PDS5B: variants seen among roughly 807,000 people sequenced by gnomAD.
PDS5B encodes the protein PDS5 cohesin associated factor B.
Under a neutral mutation model 184.1 loss-of-function variants are expected in PDS5B, and 51 were observed. The observed-to-expected ratio is 0.28, with a 90% CI of 0.22 to 0.35. PDS5B has a LOEUF of 0.35. PDS5B is among the 10% of genes least tolerant of loss of function. The pLI, the probability that PDS5B is intolerant of heterozygous loss-of-function variation, is 1.00. For missense variants in PDS5B, 1,180 were observed against 1,723.3 expected, an observed-to-expected ratio of 0.68 and a Z score of 5.58; for synonymous variants, 566 against 569.2, an observed-to-expected ratio of 0.99 and a Z score of 0.08.
chr13:32,605,812 A>T (rs2058051580), intron 1 of PDS5B, among the ~76,000 whole-genome samples: 1 of 151,620 alleles, frequency 6.6e-6, no homozygotes, highest in African/African-American at 2.4e-5. Flanking sequence ...CGATCCCTTT[A>T]CCATTATTTA....
Position 32,735,229 on chromosome 13 carries a change from A to G in PDS5B, c.2305A>G (p.Thr769Ala). The G allele has an allele frequency of 6.2e-7, 1 of 1,611,876 alleles. No individual in the cohort carries two copies. Among genetic ancestry groups the G allele is most frequent in the Non-Finnish European group, 8.5e-7 (1 of 1,178,438 alleles). The change falls in exon 21 of 35, where the codon ACT (threonine) becomes GCT (alanine). Residue 769 changes from threonine to alanine, a missense_variant. By Grantham distance (58) the Thr-to-Ala change is moderately conservative. Around this residue, in one of 11 missense-constraint regions of PDS5B, gnomAD observed 475 missense variants for 691.5 expected, o/e 0.69. Coordinates refer to ENST00000315596, the MANE Select transcript of PDS5B (RefSeq NM_015032.4). Reference protein sequence around the residue: ...NLEHLITPLVTIGHIALLAPD... With the variant: ...NLEHLITPLVAIGHIALLAPD... ...GGAACATCTCATAACACCATTGGTTACTATTGGTCATATTGCTCTCCTTGC... is the reference window on the plus strand; with the variant it reads ...GGAACATCTCATAACACCATTGGTTGCTATTGGTCATATTGCTCTCCTTGC...
intron 17 of PDS5B, among the ~76,000 whole-genome samples, chr13:32,702,995 T>C (rs1308012347): frequency 6.6e-6 from 1 of 152,158 alleles, no homozygotes. Context: ...GCCAGCTTAC[T>C]GGGTATGGGG....
In PDS5B at chr13:32,758,592, A is replaced by G. The variant is rs1954268471; in HGVS notation, c.3248A>G (p.Tyr1083Cys). Reference sequence around the variant, plus strand: ...ATCATCATGTCAAAGAGTACTACATACAGTTTGGAATCTCCTAAAGACCCG... The same window carrying G: ...ATCATCATGTCAAAGAGTACTACATGCAGTTTGGAATCTCCTAAAGACCCG... ...MNIIMSKSTT[Y>C]SLESPKDPVL... is the part of the protein sequence containing the mutation. The change falls in exon 28 of 35, where the codon TAC (tyrosine) becomes TGC (cysteine). Residue 1083 changes from tyrosine to cysteine, a missense_variant. Transcript: ENST00000315596. The G allele has an allele frequency of 1.2e-6, 2 of 1,612,304 alleles. No homozygotes were observed. Among genetic ancestry groups the G allele is most frequent in the South Asian group, 2.2e-5 (2 of 91,064 alleles).
rs188192967 is a variant in PDS5B, at chr13:32,651,288, G to T, written c.109-516G>T. 2.0e-5 allele frequency among the ~76,000 whole-genome samples: 3 copies of T among 152,310 alleles called. No individual in the cohort carries two copies. In the East Asian group the frequency reaches 5.8e-4, roughly 29 times the overall value. On this transcript the variant is annotated intron_variant, in intron 2 of 34. Transcript: ENST00000315596. ...GTAGATACTTCATAGTAGCTTTTCA[G>T]TGTTGAGGGATGCATCTTTGACATC...
intron 13 of PDS5B, among the ~76,000 whole-genome samples, chr13:32,692,361 C>T (rs1217263415): frequency 7.3e-6 from 1 of 136,792 alleles, no homozygotes; most frequent in Non-Finnish European, 1.6e-5. Context: ...AAGATGGTAT[C>T]GGGGTCTTTG....
At chr13:32,706,777 A>G (rs745963261) in intron 17 of PDS5B, among the ~76,000 whole-genome samples, 157 bp from the exon 18 acceptor site, 2 of 152,198 alleles carry the variant, frequency 1.3e-5, no homozygotes, top group East Asian at 1.9e-4. Flanking sequence ...TGAAAATACT[A>G]TAGTTGTTTT....
rs1052253711 is a variant in PDS5B at position 32,775,492 on chromosome 13, GAAA to G, written c.*446_*448del. 1 of 349,666 alleles carries G rather than the reference GAAA, an allele frequency of 2.9e-6. No individual in the cohort carries two copies. The highest frequency in any genetic ancestry group is 5.6e-6 in the Non-Finnish European group (1 of 177,970). The allele number at this position is 349,666 out of a possible 1,614,324, so 21.7% of individuals were successfully genotyped here. On this transcript the variant is annotated 3_prime_UTR_variant, in exon 35 of 35. Transcript: ENST00000315596. ...TTTGTATTCTCTGCAATTTTACTGTGAAAAAAAATTTGTTTTCAACAATTGGTG... is the reference window on the plus strand; with the variant it reads ...TTTGTATTCTCTGCAATTTTACTGTGAAAAATTTGTTTTCAACAATTGGTG...
chr13:32,738,740 C>T (rs143016630), intron 21 of PDS5B, among the ~76,000 whole-genome samples: 108 of 152,146 alleles, frequency 7.1e-4, no homozygotes, highest in Middle Eastern at 3.4e-3. Flanking sequence ...GGCGCCATCT[C>T]GGCTCCCTGC....
chr13:32,628,251 G>A (rs1241846702), intron 1 of PDS5B, among the ~76,000 whole-genome samples: 1 of 151,844 alleles, frequency 6.6e-6, no homozygotes, highest in Non-Finnish European at 1.5e-5. Context: ...TTACGTATTT[G>A]CAATAATAAT....
At position 32,688,155 on chromosome 13, in the gene PDS5B, G is replaced by GCATATTTTAAAACTCTGTATTATGAATGA. The variant is rs530902903; in HGVS notation, c.1356-278_1356-277insGAATGACATATTTTAAAACTCTGTATTAT. On this transcript the variant is annotated intron_variant, in intron 12 of 34. Transcript: ENST00000315596. ...AGAACTTGGCATTTGAAAGGACCTG[G>GCATATTTTAAAACTCTGTATTATGAATGA]CATATTTTAAAACTCTGTATTATAC... 9.9e-3 allele frequency among the ~76,000 whole-genome samples: 1,496 copies of GCATATTTTAAAACTCTGTATTATGAATGA among 151,414 alleles called. 12 individuals are homozygous for GCATATTTTAAAACTCTGTATTATGAATGA. The highest frequency in any genetic ancestry group is 0.014 in the Non-Finnish European group (955 of 67,764).
intron 1 of PDS5B, among the ~76,000 whole-genome samples, chr13:32,647,192 A>G (rs547153404): frequency 5.9e-5 from 9 of 152,116 alleles, no homozygotes; most frequent in Non-Finnish European, 1.3e-4. Flanking sequence ...TATAACTTCC[A>G]TGAATTGTAG....
intron 33 of PDS5B, among the ~76,000 whole-genome samples, chr13:32,772,500 A>G (rs948320157): frequency 6.6e-6 from 1 of 152,158 alleles, no homozygotes; most frequent in African/African-American, 2.4e-5. Context: ...TGAACACTAT[A>G]TTTGAAGTTT....
At chr13:32,587,163 G>A (rs1338346888) in intron 1 of PDS5B, among the ~76,000 whole-genome samples, 1 of 148,780 alleles carries the variant, frequency 6.7e-6, no homozygotes, top group African/African-American at 2.4e-5. Flanking sequence ...GGCCGCGGGC[G>A]CTCTCGCCCC....
intron 19 of PDS5B, among the ~76,000 whole-genome samples, chr13:32,722,109 C>T (rs1952735017): frequency 6.6e-6 from 1 of 152,260 alleles, no homozygotes; most frequent in Non-Finnish European, 1.5e-5. Flanking sequence ...AATCCCGGCA[C>T]CTTGGGAGGC....
At chr13:32,625,313 A>G (rs1299633974) in intron 1 of PDS5B, among the ~76,000 whole-genome samples, 1 of 152,124 alleles carries the variant, frequency 6.6e-6, no homozygotes, top group Non-Finnish European at 1.5e-5. Context: ...CTGGGCTCAA[A>G]TGATCCTCCT....
intron 1 of PDS5B, among the ~76,000 whole-genome samples, chr13:32,628,355 G>A (rs966030789): frequency 3.3e-5 from 5 of 151,796 alleles, no homozygotes; most frequent in African/African-American, 9.7e-5. Context: ...TCAGGAGTTC[G>A]AGACCACCCT....
intron 14 of PDS5B, among the ~76,000 whole-genome samples, chr13:32,696,139 C>A (rs761351868): frequency 2.9e-4 from 44 of 152,042 alleles, no homozygotes; most frequent in African/African-American, 8.9e-4. Context: ...AGCTCATTCT[C>A]AATAGGGATG....
At chr13:32,676,804 A>C (rs1469526363) in intron 9 of PDS5B, among the ~76,000 whole-genome samples, 2 of 151,710 alleles carry the variant, frequency 1.3e-5, no homozygotes, top group African/African-American at 4.8e-5. Context: ...GGTGGCAGGC[A>C]CCTGTAGTCC....
intron 1 of PDS5B, among the ~76,000 whole-genome samples, chr13:32,629,429 A>G (rs2058421886): frequency 6.6e-6 from 1 of 152,170 alleles, no homozygotes; most frequent in South Asian, 2.1e-4. Context: ...TTTCTACTGA[A>G]TCATACTTTA....
Sources: gnomAD v4.1 joint callset for allele counts (sites outside exome capture counted in the v4.1 genomes callset) on GRCh38, gnomAD v4.1.1 for gene constraint, gnomAD v4.1.1 regional missense constraint, MANE v1.5 for transcripts, NCBI Gene and HGNC (gene_info 2026-07-23, HGNC 2026-07-21) for gene names.